Variants in DHTKD1 observed in about 807,000 individuals in gnomAD.
The protein encoded by DHTKD1 is 2-oxoadipate dehydrogenase complex component E1.
A neutral mutation model predicts 101.8 loss-of-function variants in DHTKD1; 78 were observed. That is an observed-to-expected ratio of 0.77 (90% CI 0.64 to 0.93). DHTKD1 has a LOEUF of 0.93. Among genes scored for constraint, DHTKD1 ranks in the 40% least tolerant of loss-of-function variants. The pLI is 0.00. For synonymous variants in DHTKD1, 462 were observed against 450.3 expected (o/e 1.03, Z -0.33); for missense variants, 1,223 against 1,161.7 (o/e 1.05, Z -0.77).
chr10:12,069,583 T>C, intron 1 of DHTKD1, among the ~76,000 whole-genome samples: 1 of 134,928 alleles, frequency 7.4e-6, no homozygotes, highest in South Asian at 2.6e-4. Flanking sequence ...AGTGCAGTGC[T>C]GCGACCACAG....
chr10:12,118,762 G>T lies in DHTKD1; in HGVS notation c.2416G>T (p.Val806Leu), dbSNP rs763567671. The T allele has an allele frequency of 5.7e-6, 9 of 1,579,324 alleles. No individual in the cohort carries two copies. In the South Asian group the frequency reaches 1.1e-4, roughly 18 times the overall value. ...SVDPKKVKTL[V>L]FCSGKHFYSL... is the part of the protein sequence containing the mutation. The stretch of plus-strand genomic sequence containing the variant: ...TCTGTCCAACAGGGTTAAGACCCTC[G>T]TGTTCTGCTCCGGCAAACATTTCTA... Residue 806 changes from valine (V) to leucine (L), a missense_variant, in exon 15 of 17, where the codon GTG becomes TTG. Physicochemically the swap from Val to Leu is conservative, Grantham distance 32. Coordinates refer to ENST00000263035, the MANE Select transcript of DHTKD1 (RefSeq NM_018706.7).
intron 13 of DHTKD1, among the ~76,000 whole-genome samples, chr10:12,114,890 G>T (rs901822867): frequency 3.3e-5 from 5 of 151,968 alleles, no homozygotes; most frequent in Non-Finnish European, 5.9e-5. Context: ...CCGCCTCCCG[G>T]GTTCAGGCCA....
intron 1 of DHTKD1, among the ~76,000 whole-genome samples, chr10:12,070,495 T>C (rs780148256): frequency 2.0e-5 from 3 of 152,172 alleles, no homozygotes; most frequent in African/African-American, 7.2e-5. Context: ...CTCTCTCTCT[T>C]TTTTTAATCC....
chr10:12,110,525 A>G lies in DHTKD1; in HGVS notation c.2155-2375A>G, dbSNP rs75180478. On this transcript the variant is annotated intron_variant, in intron 12 of 16. Coordinates refer to ENST00000263035, the MANE Select transcript of DHTKD1 (RefSeq NM_018706.7). This position sits in a 1 kb window ranked among gnomAD's most constrained non-coding sequence, Gnocchi z 4.9. ...TTTATTTAAACATTTTTAATTGACA[A>G]ATGTACAATTGTATATATGAATAGT... Among the ~76,000 whole-genome samples, 569 of 152,280 alleles carry G rather than the reference A, an allele frequency of 3.7e-3. 3 individuals are homozygous for G. The highest frequency in any genetic ancestry group is 0.013 in the African/African-American group (546 of 41,552).
chr10:12,104,712 C>T (rs1023779834), intron 10 of DHTKD1, among the ~76,000 whole-genome samples: 1 of 151,972 alleles, frequency 6.6e-6, no homozygotes, highest in African/African-American at 2.4e-5. Flanking sequence ...TCCTAGCTCC[C>T]TTTTTCCATC....
intron 1 of DHTKD1, among the ~76,000 whole-genome samples, chr10:12,078,826 G>A (rs550127924): frequency 1.1e-3 from 163 of 152,068 alleles, no homozygotes; most frequent in African/African-American, 3.8e-3. Context: ...GACCACACCC[G>A]ACTAATTTTT....
intron 1 of DHTKD1, among the ~76,000 whole-genome samples, chr10:12,071,675 C>T (rs141184746): frequency 0.057 from 8,663 of 152,038 alleles, 353 homozygotes; most frequent in East Asian, 0.18. Flanking sequence ...CGCCTGTAAT[C>T]CCCGCACTTT....
At chr10:12,108,703 T>C (rs775504205) in intron 12 of DHTKD1, among the ~76,000 whole-genome samples, 3 of 152,242 alleles carry the variant, frequency 2.0e-5, no homozygotes, top group Non-Finnish European at 4.4e-5. Context: ...CTTTCAGATA[T>C]ACAGAAAAGT....
chr10:12,111,045 CAAAAAAAAAAA>C (rs35420105), intron 12 of DHTKD1, among the ~76,000 whole-genome samples: 2 of 100,766 alleles, frequency 2.0e-5, no homozygotes, highest in Admixed American at 1.1e-4. Context: ...GACCCTGTCT[CAAAAAAAAAAA>C]AAAAAAAAGG....
chr10:12,107,109 C>G lies in DHTKD1; in HGVS notation c.2047+713C>G, dbSNP rs947931841. Among the ~76,000 whole-genome samples the G allele has an allele frequency of 2.6e-5, 4 of 152,150 alleles. No homozygotes were observed. The highest frequency in any genetic ancestry group is 2.0e-4 in the Admixed American group (3 of 15,280). ...GCACGATTCTCCTGCCTCAGCCTCC[C>G]GAGTAGCTGGGACTACATAGGCGCT... is the stretch of plus-strand genomic sequence containing the variant. On this transcript the variant is annotated intron_variant, in intron 11 of 16. Transcript: ENST00000263035. This position sits in a 1 kb window ranked among gnomAD's most constrained non-coding sequence, Gnocchi z 4.1.
intron 15 of DHTKD1, among the ~76,000 whole-genome samples, 153 bp downstream of exon 15, chr10:12,119,071 C>A (rs963640794): frequency 2.0e-5 from 3 of 151,900 alleles, no homozygotes; most frequent in African/African-American, 7.3e-5. Context: ...CTTTGGGAAG[C>A]TGAGGTGGGT....
At chr10:12,105,123 G>A (rs1043990340) in intron 10 of DHTKD1, among the ~76,000 whole-genome samples, 3 of 151,980 alleles carry the variant, frequency 2.0e-5, no homozygotes, top group Non-Finnish European at 4.4e-5. Context: ...GCCTCCCAAA[G>A]TGCTGGGATT....
At chr10:12,071,843 T>C (rs1242855013) in intron 1 of DHTKD1, among the ~76,000 whole-genome samples, 1 of 152,224 alleles carries the variant, frequency 6.6e-6, no homozygotes, top group African/African-American at 2.4e-5. Flanking sequence ...TAATTTATAC[T>C]TCCTAAGGAA....
At chr10:12,090,428 TTTCC>T (rs57839020) in intron 5 of DHTKD1, among the ~76,000 whole-genome samples, 4,533 of 119,750 alleles carry the variant, frequency 0.038, 298 homozygotes, top group African/African-American at 0.12. Context: ...TTCCTTCCTT[TTTCC>T]TTCCTTCCTT....
rs189822340 is a variant in DHTKD1 at position 12,087,244 on chromosome 10, C to A, written c.523-291C>A. On this transcript the variant is annotated intron_variant, in intron 3 of 16. Coordinates refer to ENST00000263035, the MANE Select transcript of DHTKD1 (RefSeq NM_018706.7). The surrounding 1 kb of genome is among the most constrained non-coding windows in gnomAD (Gnocchi z 5.2). ...GGTACTGGGAAGAGGCAGCAGAAAT[C>A]TAAGGCCTGGATTCCAGTCCAGAAG... Among the ~76,000 whole-genome samples, 2 of 152,110 alleles carry A rather than the reference C, an allele frequency of 1.3e-5. No homozygotes were observed. Among genetic ancestry groups the A allele is most frequent in the Non-Finnish European group, 2.9e-5 (2 of 68,030 alleles).
chr10:12,079,727 G>C (rs971854577), intron 1 of DHTKD1, among the ~76,000 whole-genome samples: 2 of 152,106 alleles, frequency 1.3e-5, no homozygotes, highest in African/African-American at 4.8e-5. Flanking sequence ...TTTAGACATA[G>C]TCTGTCTGGA....
Position 12,110,023 on chromosome 10 carries a change from G to T in DHTKD1, c.2154+2008G>T, listed in dbSNP as rs1198000773. ...TTGAATGTAGCCCAATACAGGCTGG[G>T]CGTGGTGGCTCACTCCTGTAATCCC... On this transcript the variant is annotated intron_variant, in intron 12 of 16. Coordinates refer to ENST00000263035, the MANE Select transcript of DHTKD1 (RefSeq NM_018706.7). The surrounding 1 kb of genome is among the most constrained non-coding windows in gnomAD (Gnocchi z 4.9). Among the ~76,000 whole-genome samples, 6 of 151,776 alleles carry T rather than the reference G, an allele frequency of 4.0e-5. No homozygotes were observed. Among genetic ancestry groups the T allele is most frequent in the Non-Finnish European group, 7.4e-5 (5 of 67,956 alleles).
chr10:12,118,549 AT>A, intron 14 of DHTKD1, among the ~76,000 whole-genome samples, 199 bp from the exon 15 acceptor site: 1 of 151,852 alleles, frequency 6.6e-6, no homozygotes, highest in Middle Eastern at 3.4e-3. Context: ...CGCCCGGCTA[AT>A]TTTTTGTATT....
intron 1 of DHTKD1, among the ~76,000 whole-genome samples, chr10:12,076,933 G>T (rs1412739166): frequency 1.6e-5 from 2 of 128,216 alleles, no homozygotes; most frequent in African/African-American, 3.0e-5. Flanking sequence ...TAGGATTACA[G>T]ACGTGAGCCA....
Sources: allele counts gnomAD v4.1 joint callset (sites outside exome capture counted in the v4.1 genomes callset), GRCh38; gene constraint gnomAD v4.1.1; non-coding constraint Gnocchi (gnomAD v3.1); transcripts MANE v1.5; gene names NCBI Gene and HGNC (gene_info 2026-07-23, HGNC 2026-07-21).